MAD2L2: variants seen among roughly 807,000 people sequenced by gnomAD.
MAD2L2 encodes mitotic arrest deficient 2 like 2.
In MAD2L2, 17 loss-of-function variants were observed where a neutral mutation model predicts 30.5. That is an observed-to-expected ratio of 0.56 (90% CI 0.38 to 0.84). MAD2L2 has a LOEUF of 0.84. Ranked by LOEUF, MAD2L2 falls within the 40% of genes least tolerant of loss-of-function variation. The pLI, the probability that MAD2L2 is intolerant of heterozygous loss-of-function variation, is 0.00. For synonymous variants in MAD2L2, 101 were observed against 113.9 expected (o/e 0.89, Z 0.72); for missense variants, 213 against 277.4 (o/e 0.77, Z 1.65).
At chr1:11,684,577 G>A (rs1244347526), upstream of MAD2L2, among the ~76,000 whole-genome samples, 1 of 152,148 alleles carries the variant, frequency 6.6e-6, no homozygotes, top group Non-Finnish European at 1.5e-5. Flanking sequence ...CCAGCAAAGA[G>A]GAAGACCTGC....
chr1:11,674,934 C>G lies in MAD2L2; in HGVS notation c.595-118G>C. On this transcript the variant is annotated intron_variant, in intron 8 of 8. Coordinates refer to ENST00000376692, the MANE Select transcript of MAD2L2 (RefSeq NM_006341.4). The surrounding 1 kb of genome is among the most constrained non-coding windows in gnomAD (Gnocchi z 6.1). Reference sequence around the variant, plus strand: ...ACAGGTGGGGCCTCGTGGCCATAGCCATGGTGGAGAAGAGTAGAGATGGGA... The same window carrying G: ...ACAGGTGGGGCCTCGTGGCCATAGCGATGGTGGAGAAGAGTAGAGATGGGA... 4 of 1,365,280 alleles carry G rather than the reference C, an allele frequency of 2.9e-6. No individual in the cohort carries two copies. Among genetic ancestry groups the G allele is most frequent in the Non-Finnish European group, 4.2e-6 (4 of 963,794 alleles). 84.6% of individuals were successfully genotyped at this position (1,365,280 alleles called of 1,614,324 possible).
Position 11,674,704 on chromosome 1 carries a change from G to T in MAD2L2, c.*71C>A. On this transcript the variant is annotated 3_prime_UTR_variant, in exon 9 of 9. Transcript: ENST00000376692. The surrounding 1 kb of genome is among the most constrained non-coding windows in gnomAD (Gnocchi z 6.1). ...GAGCACTTGGAATCAGGGCAGCCAT[G>T]CAGCACTGCCCTAGGCGGGGATCCC... is the stretch of plus-strand genomic sequence containing the variant. 2 of 1,507,028 alleles carry T rather than the reference G, an allele frequency of 1.3e-6. No individual in the cohort carries two copies. The highest frequency in any genetic ancestry group is 1.8e-6 in the Non-Finnish European group (2 of 1,086,152). The allele number at this position is 1,507,028 out of a possible 1,614,324, so 93.4% of individuals were successfully genotyped here. A position where few individuals can be genotyped will look rare whatever the true frequency, so the allele number is the denominator to read the frequency against.
intron 4 of MAD2L2, 23 bp downstream of exon 4, chr1:11,677,520 T>A: frequency 6.2e-7 from 1 of 1,610,960 alleles, no homozygotes; most frequent in South Asian, 1.1e-5. Context: ...GTGAGATGGC[T>A]GGGGAGCCCA....
At chr1:11,683,077 TA>T (rs1390079756), upstream of MAD2L2, among the ~76,000 whole-genome samples, 11 of 152,244 alleles carry the variant, frequency 7.2e-5, no homozygotes, top group African/African-American at 2.2e-4. Flanking sequence ...GTGGCAGTCA[TA>T]GGGGGCAACT....
chr1:11,685,350 G>A (rs1007853068), upstream of MAD2L2, among the ~76,000 whole-genome samples: 1 of 152,194 alleles, frequency 6.6e-6, no homozygotes, highest in Admixed American at 6.5e-5. Context: ...TCCCAACTGA[G>A]TCTGGATGAG....
rs757684790 is a variant in MAD2L2 at position 11,676,963 on chromosome 1, AC to A, written c.232-16del. The A allele has an allele frequency of 5.0e-6, 8 of 1,596,050 alleles. No homozygotes were observed. Among genetic ancestry groups the A allele is most frequent in the Non-Finnish European group, 6.9e-6 (8 of 1,164,038 alleles). ...TCCACATCATTCTGCAAAGAGAGGA[AC>A]CCCCACTGCAGAGCCAGGCACCCCA... is the stretch of plus-strand genomic sequence containing the variant. On this transcript the variant is annotated splice_polypyrimidine_tract_variant and intron_variant, in intron 4 of 8. Coordinates refer to ENST00000376692, the MANE Select transcript of MAD2L2 (RefSeq NM_006341.4).
intron 3 of MAD2L2, among the ~76,000 whole-genome samples, chr1:11,679,517 C>G (rs1375490777): frequency 6.6e-6 from 1 of 151,940 alleles, no homozygotes; most frequent in Admixed American, 6.6e-5. Context: ...AAAGTGCCAC[C>G]ATGCCCCCAG....
At position 11,687,547 on chromosome 1, in the gene MAD2L2, TA is replaced by T. The variant is rs1640980862; in HGVS notation, c.-692+3865del. ...GAGCCACCACGCCCAGACTAATTTTTAAAATTTTCTGTAGAGAAGGGGTCTC... is the reference window on the plus strand; with the variant it reads ...GAGCCACCACGCCCAGACTAATTTTTAAATTTTCTGTAGAGAAGGGGTCTC... On this transcript the variant is annotated intron_variant, in intron 1 of 10. Transcript: ENST00000235310. The surrounding 1 kb of genome is among the most constrained non-coding windows in gnomAD (Gnocchi z 4.1). Among the ~76,000 whole-genome samples, 1 of 151,988 alleles carries T rather than the reference TA, an allele frequency of 6.6e-6. No homozygotes were observed. The highest frequency in any genetic ancestry group is 2.1e-4 in the South Asian group (1 of 4,818).
At position 11,676,901 on chromosome 1, in the gene MAD2L2, G is replaced by A. The variant is rs759600891; in HGVS notation, c.279C>T (p.Arg93=). Reference sequence around the variant, plus strand: ...TCTCAAAGACGAATTTCTCCACTGGGCGGTGCTCTTTATCCAAAATCACCA... The same window carrying A: ...TCTCAAAGACGAATTTCTCCACTGGACGGTGCTCTTTATCCAAAATCACCA... ...VVVVILDKEH[R]PVEKFVFEIT... is the part of the protein sequence containing the mutation. Residue 93 remains arginine, a synonymous_variant, in exon 5 of 9, where the codon CGC becomes CGT. Transcript: ENST00000376692. 158 of 1,614,000 alleles carry A rather than the reference G, an allele frequency of 9.8e-5. No individual in the cohort carries two copies. Among genetic ancestry groups the A allele is most frequent in the Admixed American group, 6.0e-4 (36 of 59,982 alleles).
intron 3 of MAD2L2, among the ~76,000 whole-genome samples, chr1:11,679,711 G>A (rs961118528): frequency 6.6e-6 from 1 of 152,072 alleles, no homozygotes; most frequent in Non-Finnish European, 1.5e-5. Flanking sequence ...ATTTTTAGTA[G>A]AGACAGGATC....
At position 11,675,069 on chromosome 1, in the gene MAD2L2, C is replaced by G; in HGVS notation, c.594+13G>C. On this transcript the variant is annotated intron_variant, in intron 8 of 8. Transcript: ENST00000376692. The stretch of plus-strand genomic sequence containing the variant: ...CCCCTAAATAAAGCTTCCCGGGTCC[C>G]CACGAAGCTCACCTTTAAAATGTCC... 2 of 1,570,738 alleles carry G rather than the reference C, an allele frequency of 1.3e-6. No homozygotes were observed. The highest frequency in any genetic ancestry group is 1.7e-6 in the Non-Finnish European group (2 of 1,155,652).
Position 11,688,798 on chromosome 1 carries a change from GAGA to G in MAD2L2, c.-692+2612_-692+2614del, listed in dbSNP as rs1373850312. ...GCTAAGGCATTCTAAGTCACAGTAT[GAGA>G]CAGGAGATCAGCACAAGATACAGGT... On this transcript the variant is annotated intron_variant, in intron 1 of 10. Transcript: ENST00000235310. This position sits in a 1 kb window ranked among gnomAD's most constrained non-coding sequence, Gnocchi z 4.6. Among the ~76,000 whole-genome samples the G allele has an allele frequency of 6.6e-6, 1 of 152,166 alleles. No individual in the cohort carries two copies. The highest frequency in any genetic ancestry group is 2.4e-5 in the African/African-American group (1 of 41,438).
chr1:11,679,171 AAAAT>A (rs1454576137), intron 3 of MAD2L2, among the ~76,000 whole-genome samples: 1 of 152,216 alleles, frequency 6.6e-6, no homozygotes, highest in East Asian at 1.9e-4. Flanking sequence ...CTCAAAAAAT[AAAAT>A]AAAATAAAAT....
upstream of MAD2L2, among the ~76,000 whole-genome samples, chr1:11,685,170 C>T (rs774451386): frequency 5.3e-5 from 8 of 152,154 alleles, no homozygotes; most frequent in Non-Finnish European, 8.8e-5. Flanking sequence ...CTCAAGTGAT[C>T]CTCCTGCCTC....
At chr1:11,675,827 C>A in intron 6 of MAD2L2, 96 bp from the exon 7 acceptor site, 3 of 1,084,982 alleles carry the variant, frequency 2.8e-6, no homozygotes, top group South Asian at 1.3e-5. Context: ...CTCAGCAGCA[C>A]CCCCAGAGCA....
At chr1:11,677,675 C>G (rs188897145) in intron 3 of MAD2L2, 61 bp from the exon 4 acceptor site, 1 of 1,420,952 alleles carries the variant, frequency 7.0e-7, no homozygotes, top group African/African-American at 1.4e-5. Flanking sequence ...CCACCCAACA[C>G]AACCAGGAGC....
Position 11,690,085 on chromosome 1 carries a change from C to A in MAD2L2, c.-692+1328G>T, listed in dbSNP as rs562993810. On this transcript the variant is annotated intron_variant, in intron 1 of 10. Coordinates refer to the MAD2L2 transcript ENST00000235310. The surrounding 1 kb of genome is among the most constrained non-coding windows in gnomAD (Gnocchi z 4.2). Reference sequence around the variant, plus strand: ...TATGTAAAACAACACCTCGTCCCTTCATGCTTTGTCTGTAATGTGCTTTAC... The same window carrying A: ...TATGTAAAACAACACCTCGTCCCTTAATGCTTTGTCTGTAATGTGCTTTAC... 6.6e-6 allele frequency among the ~76,000 whole-genome samples: 1 copy of A among 152,104 alleles called. No individual in the cohort carries two copies. The highest frequency in any genetic ancestry group is 6.5e-5 in the Admixed American group (1 of 15,268).
At chr1:11,689,829 C>G (rs925711042) in intron 1 of MAD2L2, among the ~76,000 whole-genome samples, 2 of 151,978 alleles carry the variant, frequency 1.3e-5, no homozygotes, top group African/African-American at 4.8e-5. Flanking sequence ...AGGTCTGGGT[C>G]AGGACCCCTT....
intron 5 of MAD2L2, 29 bp from the exon 6 acceptor site, chr1:11,676,169 C>T (rs200815563): frequency 2.8e-5 from 40 of 1,446,030 alleles, no homozygotes; most frequent in East Asian, 2.5e-4. Context: ...CTTCCCATCA[C>T]ACTGGCGCCC....
Sources: allele counts gnomAD v4.1 joint callset (sites outside exome capture counted in the v4.1 genomes callset), GRCh38; gene constraint gnomAD v4.1.1; non-coding constraint Gnocchi (gnomAD v3.1); transcripts MANE v1.5; gene names NCBI Gene and HGNC (gene_info 2026-07-23, HGNC 2026-07-21).